Variants in PCNX1 observed in about 807,000 individuals in gnomAD.
PCNX1 encodes pecanex 1, also known as pecanex-like protein 1.
Under a neutral mutation model 242.2 loss-of-function variants are expected in PCNX1, and 78 were observed. The ratio of observed to expected loss-of-function variants is 0.32; its 90% CI spans 0.27 to 0.39. PCNX1 has a LOEUF of 0.39. Among genes scored for constraint, PCNX1 ranks in the 10% least tolerant of loss-of-function variants. The probability of loss-of-function intolerance (pLI) is 1.00; values close to 1 mark genes in which losing one functional copy is unlikely to be tolerated. For synonymous variants in PCNX1, 1,024 were observed against 1,032.9 expected, an observed-to-expected ratio of 0.99 and a Z score of 0.17; for missense variants, 2,581 against 2,856.5, an observed-to-expected ratio of 0.90 and a Z score of 2.20.
At chr14:70,937,512 G>T (rs375806345) in intron 1 of PCNX1, among the ~76,000 whole-genome samples, 5 of 151,614 alleles carry the variant, frequency 3.3e-5, no homozygotes, top group Admixed American at 6.6e-5. Context: ...TTGGTACCAG[G>T]ACCATGCTGT....
intron 19 of PCNX1, among the ~76,000 whole-genome samples, chr14:71,036,443 G>C (rs1020448168): frequency 6.6e-6 from 1 of 152,144 alleles, no homozygotes; most frequent in Non-Finnish European, 1.5e-5. Context: ...CTCCCAAAGT[G>C]CTAGAATTAC....
chr14:70,921,424 G>A (rs2056369660), intron 1 of PCNX1, among the ~76,000 whole-genome samples: 1 of 152,122 alleles, frequency 6.6e-6, no homozygotes, highest in Admixed American at 6.5e-5. Context: ...AGGACTACAG[G>A]TGTGAACCAA....
intron 33 of PCNX1, among the ~76,000 whole-genome samples, chr14:71,106,059 G>A (rs2062609551): frequency 6.6e-6 from 1 of 151,382 alleles, no homozygotes; most frequent in Admixed American, 6.6e-5. Context: ...TGTTGCTCAG[G>A]CTGGAGTGCA....
At chr14:71,100,637 C>T (rs1449856409) in intron 30 of PCNX1, among the ~76,000 whole-genome samples, 2 of 152,132 alleles carry the variant, frequency 1.3e-5, no homozygotes, top group Admixed American at 6.5e-5. Context: ...GTCCACCTTT[C>T]TAGCAAGATT....
chr14:70,934,722 G>A (rs1183255273), intron 1 of PCNX1, among the ~76,000 whole-genome samples: 1 of 152,162 alleles, frequency 6.6e-6, no homozygotes, highest in Non-Finnish European at 1.5e-5. Flanking sequence ...AAACATTAAA[G>A]TAGTCAGATT....
At chr14:70,949,093 T>C (rs1566607385) in intron 2 of PCNX1, among the ~76,000 whole-genome samples, 1 of 147,952 alleles carries the variant, frequency 6.8e-6, no homozygotes, top group African/African-American at 2.4e-5. Flanking sequence ...CATGTGTATA[T>C]ATACATACAT....
chr14:71,055,236 A>G (rs546550404), intron 24 of PCNX1, among the ~76,000 whole-genome samples: 1 of 152,186 alleles, frequency 6.6e-6, no homozygotes, highest in South Asian at 2.1e-4. Flanking sequence ...CTTTTTTCTC[A>G]CAGTGCATGC....
intron 30 of PCNX1, among the ~76,000 whole-genome samples, chr14:71,097,170 T>C (rs1248689570): frequency 6.6e-6 from 1 of 152,218 alleles, no homozygotes; most frequent in Non-Finnish European, 1.5e-5. Context: ...CTGCGTAGTA[T>C]TCCATGGTGT....
At chr14:70,959,439 C>T (rs1482385808) in intron 2 of PCNX1, among the ~76,000 whole-genome samples, 1 of 137,936 alleles carries the variant, frequency 7.2e-6, no homozygotes, top group Non-Finnish European at 1.5e-5. Context: ...TCCATGTGTT[C>T]TCATTGTTCA....
At chr14:70,936,593 G>A (rs1262336521) in intron 1 of PCNX1, among the ~76,000 whole-genome samples, 2 of 152,258 alleles carry the variant, frequency 1.3e-5, no homozygotes, top group South Asian at 2.1e-4. Flanking sequence ...TTAAACATAC[G>A]TGTTGCATGT....
chr14:71,095,280 C>T (rs954237930), intron 30 of PCNX1, among the ~76,000 whole-genome samples: 1 of 152,086 alleles, frequency 6.6e-6, no homozygotes, highest in Non-Finnish European at 1.5e-5. Context: ...TCTGTGATAT[C>T]CTTGAGGAAG....
chr14:71,044,534 A>G (rs1223335226), intron 19 of PCNX1: 1 of 152,346 alleles, frequency 6.6e-6, no homozygotes, highest in Non-Finnish European at 1.5e-5. Flanking sequence ...TGGTGATGCA[A>G]TCCAGGAAGG....
intron 1 of PCNX1, among the ~76,000 whole-genome samples, chr14:70,933,263 T>G (rs561434751): frequency 6.6e-6 from 1 of 152,304 alleles, no homozygotes; most frequent in Non-Finnish European, 1.5e-5. Context: ...CGGTGATAGA[T>G]TTGTAGTTGG....
At chr14:71,044,776 C>T (rs2060811663) in intron 19 of PCNX1, 1 of 185,960 alleles carries the variant, frequency 5.4e-6, no homozygotes, top group Non-Finnish European at 1.1e-5. Context: ...CCCACCTTAC[C>T]CCATTATCTC....
chr14:71,030,466 C>T (rs895768963), intron 16 of PCNX1, among the ~76,000 whole-genome samples: 9 of 152,100 alleles, frequency 5.9e-5, no homozygotes, highest in Non-Finnish European at 1.0e-4. Context: ...TGTCTGGCCA[C>T]CTCTAGGGTT....
intron 11 of PCNX1, among the ~76,000 whole-genome samples, chr14:71,017,638 A>G (rs1294981538): frequency 1.3e-5 from 2 of 152,228 alleles, no homozygotes; most frequent in African/African-American, 4.8e-5. Context: ...TTAAAACAAA[A>G]TTTGATACAT....
chr14:71,059,928 A>T (rs539207597), intron 26 of PCNX1, among the ~76,000 whole-genome samples: 51 of 152,182 alleles, frequency 3.4e-4, no homozygotes, highest in African/African-American at 1.2e-3. Context: ...AGGACTCCTT[A>T]TTGCCCTTCA....
intron 28 of PCNX1, among the ~76,000 whole-genome samples, chr14:71,077,652 T>C (rs1390028365): frequency 6.6e-6 from 1 of 151,796 alleles, no homozygotes; most frequent in Admixed American, 6.6e-5. Context: ...GGATAGTGAG[T>C]TGGATAAAAT....
At chr14:70,966,406 T>G (rs2058379508) in intron 3 of PCNX1, among the ~76,000 whole-genome samples, 1 of 152,186 alleles carries the variant, frequency 6.6e-6, no homozygotes, top group South Asian at 2.1e-4. Context: ...TTCTCAGGGT[T>G]GCAGGATGAG....
Sources: gnomAD v4.1 joint callset for allele counts (sites outside exome capture counted in the v4.1 genomes callset) on GRCh38, gnomAD v4.1.1 for gene constraint, MANE v1.5 for transcripts, NCBI Gene and HGNC (gene_info 2026-07-23, HGNC 2026-07-21) for gene names.